The following BTD variants were observed in gnomAD, a reference collection of about 807,000 sequenced individuals.
BTD encodes the protein biocytinase.
In BTD, 13 loss-of-function variants were observed where a neutral mutation model predicts 17.7. That is an observed-to-expected ratio of 0.74 (90% CI 0.48 to 1.17). BTD has a LOEUF of 1.17. Among genes scored for constraint, BTD ranks in the 50% most tolerant of loss-of-function variants. The pLI, the probability that BTD is intolerant of heterozygous loss-of-function variation, is 0.00. For missense variants in BTD, 674 were observed against 650.4 expected, an observed-to-expected ratio of 1.04 and a Z score of -0.39; for synonymous variants, 240 against 245.2, an observed-to-expected ratio of 0.98 and a Z score of 0.20.
intron 1 of BTD, among the ~76,000 whole-genome samples, chr3:15,611,755 G>A (rs1005583554): frequency 3.3e-5 from 5 of 151,382 alleles, no homozygotes; most frequent in Non-Finnish European, 7.4e-5. Flanking sequence ...TCCAACCTGG[G>A]TGATGGCGTG....
intron 1 of BTD, among the ~76,000 whole-genome samples, chr3:15,617,741 AAGACC>A (rs926785107): frequency 1.6e-4 from 24 of 152,312 alleles, no homozygotes; most frequent in African/African-American, 5.5e-4. Context: ...ATAAATAAAT[AAGACC>A]AGTTGACTGT....
upstream of BTD, chr3:15,601,506 A>T (rs372127289): frequency 5.6e-6 from 9 of 1,609,914 alleles, no homozygotes; most frequent in African/African-American, 9.3e-5. Flanking sequence ...CCGGCAAACA[A>T]GCGGAATCAT....
exon 4 of BTD, among the ~76,000 whole-genome samples, chr3:15,710,706 C>T (rs531870254): frequency 6.6e-6 from 1 of 152,076 alleles, no homozygotes; most frequent in Non-Finnish European, 1.5e-5. Flanking sequence ...GTTTGTTGCT[C>T]GTATGAACCA....
chr3:15,707,716 G>C (rs2071646613), intron 3 of BTD, among the ~76,000 whole-genome samples: 1 of 152,206 alleles, frequency 6.6e-6, no homozygotes, highest in African/African-American at 2.4e-5. Context: ...CACCAGATCA[G>C]CTAGTAAGGC....
chr3:15,669,675 T>TA (rs565754927), intron 3 of BTD: 119 of 147,342 alleles, frequency 8.1e-4, no homozygotes, highest in South Asian at 1.9e-3. Context: ...GATGTTTTCT[T>TA]AAAAAAAAAA....
chr3:15,678,981 G>T (rs528883950), intron 3 of BTD, among the ~76,000 whole-genome samples: 1 of 151,992 alleles, frequency 6.6e-6, no homozygotes, highest in Admixed American at 6.6e-5. Context: ...AACCTTTTTG[G>T]GGGGTAGGGC....
At chr3:15,614,598 CTTTTTTT>C (rs869155456) in intron 1 of BTD, among the ~76,000 whole-genome samples, 16 of 125,254 alleles carry the variant, frequency 1.3e-4, no homozygotes, top group East Asian at 6.3e-4. Context: ...ATATCTTTTT[CTTTTTTT>C]TTTTTTTTTT....
At chr3:15,616,488 C>T (rs911520243) in intron 1 of BTD, among the ~76,000 whole-genome samples, 16 of 151,906 alleles carry the variant, frequency 1.1e-4, no homozygotes, top group Non-Finnish European at 1.8e-4. Context: ...TGGTGGCAGG[C>T]GCCTGTAATC....
At chr3:15,609,285 C>A (rs1285330745) in intron 1 of BTD, among the ~76,000 whole-genome samples, 1 of 152,148 alleles carries the variant, frequency 6.6e-6, no homozygotes, top group Non-Finnish European at 1.5e-5. Context: ...ATAATGAAAC[C>A]CCCGTGTGTC....
chr3:15,716,910 T>C (rs2073142738), downstream of BTD, among the ~76,000 whole-genome samples: 1 of 152,142 alleles, frequency 6.6e-6, no homozygotes, highest in Admixed American at 6.5e-5. Context: ...TGAAGTGAGC[T>C]ATGATGGTGC....
rs184455919 is a variant in BTD at position 15,653,011 on chromosome 3, T to C, written c.*7523T>C. 3.0e-3 allele frequency among the ~76,000 whole-genome samples: 450 copies of C among 152,344 alleles called. 5 individuals are homozygous for C. The highest frequency in any genetic ancestry group is 0.01 in the African/African-American group (420 of 41,580). On this transcript the variant is annotated 3_prime_UTR_variant, in exon 4 of 4. Transcript: ENST00000643237. Reference sequence around the variant, plus strand: ...AGTTCTAGAGGAGGTATTCTGACAGTGGCCAGGAAAACCTCCTGCCCGCAG... The same window carrying C: ...AGTTCTAGAGGAGGTATTCTGACAGCGGCCAGGAAAACCTCCTGCCCGCAG...
chr3:15,671,590 T>TG (rs2066364539), intron 3 of BTD, among the ~76,000 whole-genome samples: 3 of 136,728 alleles, frequency 2.2e-5, no homozygotes, highest in African/African-American at 8.0e-5. Flanking sequence ...TTTTTTTTTG[T>TG]TTTTTTTTTT....
At chr3:15,718,467 C>T (rs1310142243) in intron 4 of BTD, among the ~76,000 whole-genome samples, 1 of 152,198 alleles carries the variant, frequency 6.6e-6, no homozygotes, top group Non-Finnish European at 1.5e-5. Flanking sequence ...GAGCATTTTA[C>T]TCTAAGTGGG....
rs1024847163 is a variant in BTD at position 15,641,919 on chromosome 3, T to G, written c.261T>G (p.Ile87Met). ...GTTTTCATTTTCAGGATGTACAGAT[T>G]ATAGTGTTTCCAGAAGATGGCATTC... ...VMTAAQKDVQIIVFPEDGIHG... is the reference protein window; with the variant it reads ...VMTAAQKDVQMIVFPEDGIHG... Residue 87 changes from isoleucine to methionine, a missense_variant, in exon 3 of 4, where the codon ATT becomes ATG. Transcript: ENST00000643237. 5.0e-6 allele frequency: 8 copies of G among 1,611,412 alleles called. No homozygotes were observed. The African/African-American group carries it at 1.1e-4, about 22-fold the overall frequency.
chr3:15,626,359 G>A (rs569663546), intron 1 of BTD, among the ~76,000 whole-genome samples: 3 of 152,302 alleles, frequency 2.0e-5, no homozygotes, highest in African/African-American at 7.2e-5. Flanking sequence ...CCTCTGCTTT[G>A]CCTCTAATGC....
intron 1 of BTD, among the ~76,000 whole-genome samples, chr3:15,626,126 T>A (rs2065060297): frequency 6.6e-6 from 1 of 152,214 alleles, no homozygotes; most frequent in African/African-American, 2.4e-5. Flanking sequence ...TGATTTTGAG[T>A]TTATTTTTGT....
At chr3:15,617,022 C>T (rs1472041978) in intron 1 of BTD, among the ~76,000 whole-genome samples, 4 of 151,912 alleles carry the variant, frequency 2.6e-5, no homozygotes, top group Non-Finnish European at 4.4e-5. Flanking sequence ...TTAGTAGAGA[C>T]GGGGGTTTCA....
chr3:15,719,716 A>G, intron 4 of BTD, among the ~76,000 whole-genome samples: 1 of 151,694 alleles, frequency 6.6e-6, no homozygotes, highest in East Asian at 1.9e-4. Flanking sequence ...CTACAGGATA[A>G]TTTTTAATTT....
downstream of BTD, among the ~76,000 whole-genome samples, chr3:15,715,752 T>C (rs1048266391): frequency 1.3e-5 from 2 of 152,192 alleles, no homozygotes; most frequent in East Asian, 3.8e-4. Flanking sequence ...TACATCTTAC[T>C]GGTCTGTTGT....
Sources: allele counts gnomAD v4.1 joint callset (sites outside exome capture counted in the v4.1 genomes callset), GRCh38; gene constraint gnomAD v4.1.1; transcripts MANE v1.5; gene names NCBI Gene and HGNC (gene_info 2026-07-23, HGNC 2026-07-21).